Variants in SSBP3 observed in about 807,000 individuals in gnomAD.
The protein encoded by SSBP3 is single stranded DNA binding protein 3.
Under a neutral mutation model 69.6 loss-of-function variants are expected in SSBP3, and 5 were observed. The ratio of observed to expected loss-of-function variants is 0.07; its 90% CI spans 0.04 to 0.15. SSBP3 has a LOEUF of 0.15. SSBP3 is among the 10% of genes least tolerant of loss of function. The pLI is 1.00. For synonymous variants in SSBP3, 196 were observed against 193.4 expected (o/e 1.01, Z -0.11); for missense variants, 312 against 534.0 (o/e 0.58, Z 4.10).
chr1:54,299,565 T>C (rs1178586786), intron 4 of SSBP3, among the ~76,000 whole-genome samples: 2 of 151,888 alleles, frequency 1.3e-5, no homozygotes, highest in African/African-American at 2.4e-5. Flanking sequence ...AAGCCCACCC[T>C]TGTGGGCACA....
At chr1:54,263,000 G>A (rs1298573986) in intron 5 of SSBP3, among the ~76,000 whole-genome samples, 1 of 152,186 alleles carries the variant, frequency 6.6e-6, no homozygotes, top group African/African-American at 2.4e-5. Context: ...AACTCCCGCA[G>A]TTTCTTGTTA....
At chr1:54,396,193 G>GAAAAAAAAAAAAAAAAAAAAAAAAA (rs59276509) in intron 4 of SSBP3, among the ~76,000 whole-genome samples, 9 of 40,580 alleles carry the variant, frequency 2.2e-4, no homozygotes, top group African/African-American at 4.8e-4. Flanking sequence ...CTCCATCTCA[G>GAAAAAAAAAAAAAAAAAAAAAAAAA]AAAAAAAAAA....
chr1:54,262,763 G>A (rs747271078), intron 5 of SSBP3, among the ~76,000 whole-genome samples: 1 of 152,168 alleles, frequency 6.6e-6, no homozygotes, highest in Non-Finnish European at 1.5e-5. Flanking sequence ...GTCCACTGAC[G>A]GGTCAGAGCT....
chr1:54,403,723 T>C (rs976466980), intron 3 of SSBP3, among the ~76,000 whole-genome samples: 2 of 151,666 alleles, frequency 1.3e-5, no homozygotes, highest in African/African-American at 2.4e-5. Context: ...CATCAAAATA[T>C]CAAAAGCCAC....
At chr1:54,392,031 C>A (rs191297882) in intron 4 of SSBP3, among the ~76,000 whole-genome samples, 1 of 152,156 alleles carries the variant, frequency 6.6e-6, no homozygotes, top group Non-Finnish European at 1.5e-5. Context: ...CCTCTCCTCC[C>A]GCGCCCACTC....
At chr1:54,401,377 A>AACACACAC (rs140889770) in intron 4 of SSBP3, among the ~76,000 whole-genome samples, 8 of 146,976 alleles carry the variant, frequency 5.4e-5, no homozygotes, top group African/African-American at 7.5e-5. Flanking sequence ...ACCCACACCA[A>AACACACAC]ACACACACAC....
chr1:54,369,631 T>C (rs899762231), intron 4 of SSBP3, among the ~76,000 whole-genome samples: 1 of 152,150 alleles, frequency 6.6e-6, no homozygotes, highest in Admixed American at 6.5e-5. Context: ...CAAGGGCAGA[T>C]GCAAAATTCA....
upstream of SSBP3, among the ~76,000 whole-genome samples, chr1:54,411,246 AAGGC>A (rs1312929325): frequency 6.6e-6 from 1 of 151,928 alleles, no homozygotes; most frequent in Non-Finnish European, 1.5e-5. Context: ...TTGGGCTGCC[AAGGC>A]AGGCAGATCA....
chr1:54,283,665 T>C (rs1183025211), intron 4 of SSBP3, among the ~76,000 whole-genome samples: 2 of 152,230 alleles, frequency 1.3e-5, no homozygotes, highest in East Asian at 1.9e-4. Flanking sequence ...CGCACGTTAC[T>C]TTTCAAAATG....
intron 9 of SSBP3, among the ~76,000 whole-genome samples, chr1:54,247,305 G>C (rs983346547): frequency 6.6e-6 from 1 of 152,232 alleles, no homozygotes; most frequent in Non-Finnish European, 1.5e-5. Flanking sequence ...ACACAGTGCT[G>C]TATTTCCCTT....
intron 5 of SSBP3, among the ~76,000 whole-genome samples, chr1:54,278,533 G>A (rs1310379554): frequency 1.3e-5 from 2 of 152,194 alleles, no homozygotes; most frequent in African/African-American, 2.4e-5. Flanking sequence ...GCTGAAGCCT[G>A]GCAGTCAGAG....
At chr1:54,392,428 G>T (rs1319520453) in intron 4 of SSBP3, among the ~76,000 whole-genome samples, 1 of 152,198 alleles carries the variant, frequency 6.6e-6, no homozygotes, top group Admixed American at 6.5e-5. Context: ...CACAAACCCA[G>T]GGCACACATA....
chr1:54,250,543 G>T (rs1253727953), intron 9 of SSBP3, among the ~76,000 whole-genome samples: 4 of 21,598 alleles, frequency 1.9e-4, no homozygotes, highest in African/African-American at 1.5e-3. Flanking sequence ...GGCGGGAATG[G>T]GGGGGGGCAC....
chr1:54,404,815 G>GA (rs773691546), intron 2 of SSBP3, 43 bp downstream of exon 2: 1 of 1,060,372 alleles, frequency 9.4e-7, no homozygotes, highest in South Asian at 1.3e-5. Flanking sequence ...TAGTGGGGGG[G>GA]GGGGGTGTCA....
chr1:54,373,831 C>T (rs1389727743), intron 4 of SSBP3, among the ~76,000 whole-genome samples: 1 of 152,008 alleles, frequency 6.6e-6, no homozygotes, highest in Non-Finnish European at 1.5e-5. Context: ...CCCCCAACTC[C>T]CTACTCACAC....
rs1272021680 is a variant in SSBP3 at position 54,338,181 on chromosome 1, G to A, written c.277-56654C>T. Among the ~76,000 whole-genome samples the A allele has an allele frequency of 2.0e-5, 3 of 152,232 alleles. No homozygotes were observed. In the East Asian group the frequency reaches 5.8e-4, roughly 29 times the overall value. On this transcript the variant is annotated intron_variant, in intron 4 of 17. Coordinates refer to ENST00000610401, the Ensembl canonical transcript of SSBP3. ...CTGTGACTGCCCCTGTGGTCCAGGT[G>A]TCCCTCTCCTGTGTTCACAGCCTCG...
chr1:54,407,608 G>C (rs575603252), upstream of SSBP3, among the ~76,000 whole-genome samples: 71 of 152,210 alleles, frequency 4.7e-4, 1 homozygote, highest in South Asian at 0.013. Flanking sequence ...TGTTTTTAGA[G>C]AGCGGATCTC....
chr1:54,295,322 T>C (rs1041085898), intron 4 of SSBP3, among the ~76,000 whole-genome samples: 6 of 152,186 alleles, frequency 3.9e-5, no homozygotes, highest in African/African-American at 1.4e-4. Flanking sequence ...GGTCCATGTA[T>C]CTACCTAGAG....
intron 4 of SSBP3, among the ~76,000 whole-genome samples, chr1:54,282,780 T>C (rs1197752675): frequency 6.6e-6 from 1 of 152,208 alleles, no homozygotes; most frequent in Non-Finnish European, 1.5e-5. Context: ...ACCTCCAACC[T>C]TGGTGGTCCC....
Sources: allele counts gnomAD v4.1 joint callset (sites outside exome capture counted in the v4.1 genomes callset), GRCh38; gene constraint gnomAD v4.1.1; transcripts MANE v1.5; gene names NCBI Gene and HGNC (gene_info 2026-07-23, HGNC 2026-07-21).